The following RASGRF2 variants were observed in gnomAD, a reference collection of about 807,000 sequenced individuals.
RASGRF2 encodes Ras protein specific guanine nucleotide releasing factor 2, also known as ras-specific guanine nucleotide-releasing factor 2.
A neutral mutation model predicts 151.0 loss-of-function variants in RASGRF2; 76 were observed. The ratio of observed to expected loss-of-function variants is 0.50; its 90% CI spans 0.42 to 0.61. RASGRF2 has a LOEUF of 0.61. Among genes scored for constraint, RASGRF2 ranks in the 20% least tolerant of loss-of-function variants. The pLI is 0.00. For missense variants in RASGRF2, 1,148 were observed against 1,564.6 expected (o/e 0.73, Z 4.49); for synonymous variants, 504 against 566.5 (o/e 0.89, Z 1.57).
intron 2 of RASGRF2, among the ~76,000 whole-genome samples, chr5:81,062,046 A>G (rs148530253): frequency 9.3e-5 from 14 of 150,084 alleles, no homozygotes; most frequent in Admixed American, 8.0e-4. Flanking sequence ...AGATCTTACT[A>G]TGTTGCTCAG....
rs145391168 is a variant in RASGRF2 at position 81,071,409 on chromosome 5, C to T, written c.633+828C>T. On this transcript the variant is annotated intron_variant, in intron 4 of 26. Coordinates refer to ENST00000265080, the MANE Select transcript of RASGRF2 (RefSeq NM_006909.3). ...ATGTTTGTTGATTGGCTAAAACACA[C>T]AGGCCAGTGCACTTTCTCAGGCTTG... Among the ~76,000 whole-genome samples the T allele has an allele frequency of 5.1e-3, 778 of 152,322 alleles. 9 individuals are homozygous for T. The highest frequency in any genetic ancestry group is 0.018 in the African/African-American group (747 of 41,566).
intron 1 of RASGRF2, among the ~76,000 whole-genome samples, chr5:81,010,872 A>C (rs1749436053): frequency 1.3e-5 from 2 of 152,330 alleles, no homozygotes; most frequent in African/African-American, 4.8e-5. Context: ...ATTTACATAA[A>C]TGTTTCCAGT....
At chr5:80,972,895 T>A (rs1336771770) in intron 1 of RASGRF2, among the ~76,000 whole-genome samples, 1 of 152,226 alleles carries the variant, frequency 6.6e-6, no homozygotes, top group Non-Finnish European at 1.5e-5. Context: ...TTTCTGTACA[T>A]CAAAAATGGT....
chr5:81,185,798 T>C, intron 18 of RASGRF2, among the ~76,000 whole-genome samples: 1 of 152,206 alleles, frequency 6.6e-6, no homozygotes, highest in Non-Finnish European at 1.5e-5. Flanking sequence ...ACGCCAGGGC[T>C]AGAGGGAGGC....
chr5:81,076,442 G>A (rs548962495), intron 5 of RASGRF2, among the ~76,000 whole-genome samples: 7 of 152,354 alleles, frequency 4.6e-5, no homozygotes, highest in African/African-American at 1.7e-4. Flanking sequence ...AGGAGGCAAG[G>A]ACATCCGCTG....
chr5:80,990,778 T>G (rs1408983991), intron 1 of RASGRF2, among the ~76,000 whole-genome samples: 2 of 152,212 alleles, frequency 1.3e-5, no homozygotes, highest in Non-Finnish European at 2.9e-5. Context: ...AATCTGGGAA[T>G]GAGCACAGGT....
intron 5 of RASGRF2, among the ~76,000 whole-genome samples, chr5:81,076,628 GT>G (rs1751947027): frequency 2.0e-5 from 3 of 150,160 alleles, no homozygotes; most frequent in South Asian, 2.2e-4. Flanking sequence ...AGAGAAAGAG[GT>G]GTGGAATAGT....
intron 1 of RASGRF2, among the ~76,000 whole-genome samples, chr5:81,022,850 A>G (rs769100100): frequency 6.6e-6 from 1 of 152,208 alleles, no homozygotes; most frequent in African/African-American, 2.4e-5. Context: ...CCGCTGTGAC[A>G]TCTGCTATCC....
At chr5:81,085,596 T>C (rs1302256163) in intron 7 of RASGRF2, among the ~76,000 whole-genome samples, 2 of 152,166 alleles carry the variant, frequency 1.3e-5, no homozygotes, top group African/African-American at 4.8e-5. Flanking sequence ...CACCTTTTCA[T>C]GTGTTCTTGG....
At chr5:81,149,602 C>T (rs2112616989) in intron 17 of RASGRF2, among the ~76,000 whole-genome samples, 1 of 151,876 alleles carries the variant, frequency 6.6e-6, no homozygotes, top group South Asian at 2.1e-4. Flanking sequence ...CCAGAAACCA[C>T]CTGAAACTGT....
intron 1 of RASGRF2, among the ~76,000 whole-genome samples, chr5:80,973,462 A>G (rs9986161): frequency 0.27 from 40,503 of 152,122 alleles, 5,733 homozygotes; most frequent in Middle Eastern, 0.38. Context: ...TGTTTTCCCA[A>G]TAATTCCTTA....
At chr5:81,185,177 G>C (rs59225238) in intron 18 of RASGRF2, among the ~76,000 whole-genome samples, 58 of 152,288 alleles carry the variant, frequency 3.8e-4, no homozygotes, top group African/African-American at 1.2e-3. Flanking sequence ...CCAGAGAGAG[G>C]CATCTGTGTA....
intron 1 of RASGRF2, among the ~76,000 whole-genome samples, chr5:80,992,706 C>A (rs1489286715): frequency 2.0e-5 from 3 of 152,042 alleles, no homozygotes; most frequent in Non-Finnish European, 2.9e-5. Flanking sequence ...TTTGAAAGTT[C>A]ATTCTGAATT....
intron 17 of RASGRF2, among the ~76,000 whole-genome samples, chr5:81,160,964 G>T (rs1351799086): frequency 6.6e-6 from 1 of 152,188 alleles, no homozygotes; most frequent in Non-Finnish European, 1.5e-5. Flanking sequence ...AGGGACTGTG[G>T]TTTTGGAGGT....
chr5:81,134,617 T>G (rs1390693308), intron 17 of RASGRF2, among the ~76,000 whole-genome samples: 1 of 152,222 alleles, frequency 6.6e-6, no homozygotes, highest in Non-Finnish European at 1.5e-5. Context: ...TAGTTGATTC[T>G]GATACATACT....
intron 1 of RASGRF2, among the ~76,000 whole-genome samples, chr5:81,031,407 C>T (rs890168839): frequency 6.6e-6 from 1 of 152,194 alleles, no homozygotes; most frequent in African/African-American, 2.4e-5. Flanking sequence ...AAGTAAAACA[C>T]TTCTCAGCAA....
At chr5:81,055,910 A>G (rs1450788514) in intron 2 of RASGRF2, among the ~76,000 whole-genome samples, 1 of 151,672 alleles carries the variant, frequency 6.6e-6, no homozygotes, top group African/African-American at 2.4e-5. Flanking sequence ...TTTCTAGTTT[A>G]TTTTCGTAGA....
At chr5:81,026,253 T>C (rs545731934) in intron 1 of RASGRF2, among the ~76,000 whole-genome samples, 57 of 151,690 alleles carry the variant, frequency 3.8e-4, no homozygotes, top group African/African-American at 1.2e-3. Context: ...TGTCTCCCCT[T>C]CTCTTTTTTT....
intron 1 of RASGRF2, among the ~76,000 whole-genome samples, chr5:80,997,851 C>T (rs1748937053): frequency 6.6e-6 from 1 of 152,032 alleles, no homozygotes; most frequent in South Asian, 2.1e-4. Context: ...CGCCTGTAGT[C>T]CCAGCTGCTC....
Sources: gnomAD v4.1 joint callset for allele counts (sites outside exome capture counted in the v4.1 genomes callset) on GRCh38, gnomAD v4.1.1 for gene constraint, MANE v1.5 for transcripts, NCBI Gene and HGNC (gene_info 2026-07-23, HGNC 2026-07-21) for gene names.